The following CAB39L variants were observed in gnomAD, a reference collection of about 807,000 sequenced individuals.
CAB39L encodes calcium-binding protein 39-like.
CAB39L carries 23 observed loss-of-function variants against 39.1 expected under a neutral mutation model. The ratio of observed to expected loss-of-function variants is 0.59; its 90% CI spans 0.42 to 0.83. The LOEUF is 0.83. Ranked by LOEUF, CAB39L falls within the 40% of genes least tolerant of loss-of-function variation. CAB39L has a pLI of 0.00. For missense variants in CAB39L, 366 were observed against 391.9 expected, an observed-to-expected ratio of 0.93 and a Z score of 0.56; for synonymous variants, 126 against 137.2, an observed-to-expected ratio of 0.92 and a Z score of 0.57.
At chr13:49,391,036 G>A (rs984277731) in intron 3 of CAB39L, among the ~76,000 whole-genome samples, 1 of 152,150 alleles carries the variant, frequency 6.6e-6, no homozygotes, top group Non-Finnish European at 1.5e-5. Flanking sequence ...CAGAGGGAAT[G>A]CAAAAAGGCC....
chr13:49,422,601 G>A (rs1158962427), intron 3 of CAB39L, among the ~76,000 whole-genome samples: 1 of 151,024 alleles, frequency 6.6e-6, no homozygotes, highest in Non-Finnish European at 1.5e-5. Context: ...TAATTTTAAA[G>A]TGTATTTCTC....
At chr13:49,353,398 G>A (rs538409682) in intron 6 of CAB39L, among the ~76,000 whole-genome samples, 1 of 152,294 alleles carries the variant, frequency 6.6e-6, no homozygotes, top group East Asian at 1.9e-4. Flanking sequence ...CTAAGGGAAG[G>A]ACAATTAAAA....
At chr13:49,329,186 T>C (rs1954593843) in intron 10 of CAB39L, among the ~76,000 whole-genome samples, 1 of 152,152 alleles carries the variant, frequency 6.6e-6, no homozygotes, top group African/African-American at 2.4e-5. Context: ...TACAATGCTG[T>C]TTTCATTTAC....
chr13:49,426,079 T>A (rs990308274), intron 3 of CAB39L, among the ~76,000 whole-genome samples: 1 of 152,188 alleles, frequency 6.6e-6, no homozygotes, highest in South Asian at 2.1e-4. Context: ...TGGGGTTCTT[T>A]GCATTAAACA....
chr13:49,384,806 A>C (rs1236655954), intron 3 of CAB39L, among the ~76,000 whole-genome samples: 1 of 152,178 alleles, frequency 6.6e-6, no homozygotes, highest in African/African-American at 2.4e-5. Context: ...TTTTCAAAGG[A>C]ATATTTTATT....
At chr13:49,333,568 C>CTTTTTT (rs796079933) in intron 9 of CAB39L, among the ~76,000 whole-genome samples, 5 of 111,882 alleles carry the variant, frequency 4.5e-5, no homozygotes, top group Admixed American at 9.3e-5. Flanking sequence ...TTCTTTCTTT[C>CTTTTTT]TTTTTTTTTT....
intron 5 of CAB39L, among the ~76,000 whole-genome samples, chr13:49,360,669 T>A (rs1331028875): frequency 6.6e-6 from 1 of 152,152 alleles, no homozygotes; most frequent in East Asian, 1.9e-4. Flanking sequence ...ATCCCTATAA[T>A]CCCTATGTGT....
chr13:49,328,015 T>C (rs561892392), intron 10 of CAB39L, among the ~76,000 whole-genome samples: 27 of 152,236 alleles, frequency 1.8e-4, no homozygotes, highest in Non-Finnish European at 3.4e-4. Flanking sequence ...TGCTGTAATG[T>C]ACATGGTTTT....
intron 9 of CAB39L, among the ~76,000 whole-genome samples, chr13:49,333,562 TTC>T (rs1954766674): frequency 2.1e-5 from 3 of 140,216 alleles, no homozygotes; most frequent in Admixed American, 1.4e-4. Flanking sequence ...ATTTCTTTCT[TTC>T]TTTCTTTTTT....
At chr13:49,361,959 T>A (rs1955649855) in intron 5 of CAB39L, among the ~76,000 whole-genome samples, 1 of 152,180 alleles carries the variant, frequency 6.6e-6, no homozygotes. Flanking sequence ...TTACAGGTAT[T>A]ATCCAATTTT....
chr13:49,378,038 G>A lies in CAB39L; in HGVS notation c.112-907C>T, dbSNP rs867734372. 1.8e-3 allele frequency among the ~76,000 whole-genome samples: 148 copies of A among 81,688 alleles called. 30 individuals carry two copies. The Middle Eastern group carries it at 0.025, about 14-fold the overall frequency. The allele number at this position is 81,688 out of a possible 152,430, so 53.6% of individuals were successfully genotyped here. On this transcript the variant is annotated intron_variant, in intron 4 of 10. Transcript: ENST00000409308. Reference sequence around the variant, plus strand: ...TGGGATGTGAGGAGTGCCTCTGCCCGGCCGAGACCCCGTCTGGGAGGTGAG... The same window carrying A: ...TGGGATGTGAGGAGTGCCTCTGCCCAGCCGAGACCCCGTCTGGGAGGTGAG...
intron 3 of CAB39L, among the ~76,000 whole-genome samples, chr13:49,403,759 C>A (rs1345147710): frequency 6.6e-6 from 1 of 151,900 alleles, no homozygotes; most frequent in Non-Finnish European, 1.5e-5. Flanking sequence ...CAACTAAGAT[C>A]TTTAAACAAC....
At chr13:49,327,035 C>CT (rs1244703490) in intron 10 of CAB39L, among the ~76,000 whole-genome samples, 2 of 151,814 alleles carry the variant, frequency 1.3e-5, no homozygotes, top group Non-Finnish European at 2.9e-5. Context: ...TTGTTTCATT[C>CT]TTTTTTTTGA....
intron 10 of CAB39L, among the ~76,000 whole-genome samples, chr13:49,331,465 CAAAACAA>C (rs1281218153): frequency 1.5e-4 from 23 of 151,458 alleles, no homozygotes; most frequent in Admixed American, 9.9e-4. Flanking sequence ...GACTCCATCT[CAAAACAA>C]AAAACAAAAA....
At chr13:49,374,458 G>A (rs1030736810) in intron 5 of CAB39L, among the ~76,000 whole-genome samples, 6 of 152,078 alleles carry the variant, frequency 3.9e-5, no homozygotes, top group Non-Finnish European at 8.8e-5. Context: ...GGATTCCAGA[G>A]AATAAAAGTT....
intron 10 of CAB39L, among the ~76,000 whole-genome samples, chr13:49,316,067 C>A (rs942107810): frequency 6.6e-6 from 1 of 151,624 alleles, no homozygotes; most frequent in African/African-American, 2.4e-5. Flanking sequence ...TCAATGAACC[C>A]AAAAGTTGGT....
intron 3 of CAB39L, among the ~76,000 whole-genome samples, chr13:49,405,336 A>G (rs528268515): frequency 5.3e-4 from 80 of 152,322 alleles, no homozygotes; most frequent in African/African-American, 1.8e-3. Flanking sequence ...CAGTGAAAAT[A>G]TCCTTCAAAC....
intron 10 of CAB39L, among the ~76,000 whole-genome samples, chr13:49,329,540 AAAAAATAT>A (rs1380089522): frequency 8.0e-5 from 3 of 37,568 alleles, no homozygotes; most frequent in East Asian, 8.0e-4. Flanking sequence ...CAATTAAAAA[AAAAAATAT>A]ATATATATAT....
At chr13:49,380,965 T>C (rs962412421) in intron 4 of CAB39L, among the ~76,000 whole-genome samples, 2 of 152,234 alleles carry the variant, frequency 1.3e-5, no homozygotes, top group Non-Finnish European at 2.9e-5. Context: ...TTTGCTCTTG[T>C]CACCGAGGCT....
Sources: gnomAD v4.1 joint callset for allele counts (sites outside exome capture counted in the v4.1 genomes callset) on GRCh38, gnomAD v4.1.1 for gene constraint, MANE v1.5 for transcripts, NCBI Gene and HGNC (gene_info 2026-07-23, HGNC 2026-07-21) for gene names.